EIF4E: variants seen among roughly 807,000 people sequenced by gnomAD.
The protein encoded by EIF4E is eukaryotic translation initiation factor 4E.
For missense variants in EIF4E, 113 were observed against 265.6 expected, an observed-to-expected ratio of 0.43 and a Z score of 3.99; for synonymous variants, 71 against 88.5, an observed-to-expected ratio of 0.80 and a Z score of 1.11.
chr4:98,917,133 C>CAAAAAA (rs756226013), intron 1 of EIF4E, among the ~76,000 whole-genome samples: 4 of 55,244 alleles, frequency 7.2e-5, no homozygotes, highest in Admixed American at 1.5e-4. Flanking sequence ...CACACACACA[C>CAAAAAA]AAAAAAAACC....
intron 1 of EIF4E, among the ~76,000 whole-genome samples, chr4:98,918,237 G>A (rs552079495): frequency 1.4e-4 from 21 of 150,774 alleles, no homozygotes; most frequent in Non-Finnish European, 1.9e-4. Flanking sequence ...GGTGGTGGAC[G>A]CCTGTAATCC....
rs1250308261 is a variant in EIF4E at position 98,879,318 on chromosome 4, G to T, written c.*1710C>A. ...TTATTTCATACAGGGTTTTTGTCAA[G>T]TTTATCAGTTTTAAAATGATTAAGT... On this transcript the variant is annotated 3_prime_UTR_variant, in exon 7 of 7. Transcript: ENST00000450253. The T allele has an allele frequency of 6.6e-6, 1 of 152,000 alleles. No individual in the cohort carries two copies. The highest frequency in any genetic ancestry group is 1.5e-5 in the Non-Finnish European group (1 of 67,982). 9.4% of individuals were successfully genotyped at this position (152,000 alleles called of 1,614,324 possible).
At chr4:98,912,276 A>G (rs962158032) in intron 1 of EIF4E, among the ~76,000 whole-genome samples, 4 of 151,468 alleles carry the variant, frequency 2.6e-5, no homozygotes, top group Non-Finnish European at 4.4e-5. Context: ...AAGAAAAAGA[A>G]AAAGAAAAAT....
intron 2 of EIF4E, among the ~76,000 whole-genome samples, chr4:98,894,310 A>G (rs1039485766): frequency 3.3e-5 from 5 of 152,212 alleles, no homozygotes; most frequent in African/African-American, 1.2e-4. Context: ...TGTAGCTTTG[A>G]AGCTAGGCAA....
Position 98,880,835 on chromosome 4 carries a change from CAAAAAAA to C in EIF4E, c.*186_*192del, listed in dbSNP as rs70955951. On this transcript the variant is annotated 3_prime_UTR_variant, in exon 7 of 7. Coordinates refer to ENST00000450253, the MANE Select transcript of EIF4E (RefSeq NM_001968.5). ...TGATTGGGATAGTGGAAACTCTAGC[CAAAAAAA>C]AAAAAAAAAATGAACACAGAAGTAC... 2.5e-6 allele frequency: 2 copies of C among 810,198 alleles called. No homozygotes were observed. Among genetic ancestry groups the C allele is most frequent in the African/African-American group, 6.2e-5 (2 of 32,478 alleles). The allele number at this position is 810,198 out of a possible 1,614,324, so 50.2% of individuals were successfully genotyped here.
rs1212503418 is a variant in EIF4E, at chr4:98,888,028, T to TA, written c.222-77dup. The TA allele has an allele frequency of 4.2e-6, 5 of 1,202,586 alleles. No individual in the cohort carries two copies. The African/African-American group carries it at 7.7e-5, about 19-fold the overall frequency. The allele number at this position is 1,202,586 out of a possible 1,614,324, so 74.5% of individuals were successfully genotyped here. A position where few individuals can be genotyped will look rare whatever the true frequency, so the allele number is the denominator to read the frequency against. On this transcript the variant is annotated intron_variant, in intron 3 of 6. Coordinates refer to ENST00000450253, the MANE Select transcript of EIF4E (RefSeq NM_001968.5). Reference sequence around the variant, plus strand: ...TTAGGTGCTTACATATATATACATTTAGAACATATGATGAAAATAAACAGA... The same window carrying TA: ...TTAGGTGCTTACATATATATACATTTAAGAACATATGATGAAAATAAACAGA...
chr4:98,927,143 T>G (rs1409412776), intron 1 of EIF4E, among the ~76,000 whole-genome samples: 2 of 152,190 alleles, frequency 1.3e-5, no homozygotes, highest in Non-Finnish European at 2.9e-5. Context: ...TGTTATGTAA[T>G]ATTAATGTCC....
chr4:98,904,893 T>C (rs1250511873), intron 1 of EIF4E, among the ~76,000 whole-genome samples: 1 of 152,130 alleles, frequency 6.6e-6, no homozygotes, highest in Non-Finnish European at 1.5e-5. Flanking sequence ...AAATCTTTAG[T>C]CTTCACTTTT....
intron 1 of EIF4E, among the ~76,000 whole-genome samples, chr4:98,918,116 A>G (rs534002828): frequency 3.3e-5 from 5 of 151,682 alleles, no homozygotes; most frequent in African/African-American, 1.2e-4. Context: ...TAATCCCAGC[A>G]CTTTGGGAGG....
In EIF4E at chr4:98,887,632, T is replaced by C. The variant is rs979949340; in HGVS notation, c.285+257A>G. On this transcript the variant is annotated intron_variant, in intron 4 of 6. Transcript: ENST00000450253. The surrounding 1 kb of genome is among the most constrained non-coding windows in gnomAD (Gnocchi z 4.0). ...TTGATAAACTCAGTCTGCTCAAATATATAAAGGAAGGAGTAGACTGGATAA... is the reference window on the plus strand; with the variant it reads ...TTGATAAACTCAGTCTGCTCAAATACATAAAGGAAGGAGTAGACTGGATAA... 2.6e-5 allele frequency among the ~76,000 whole-genome samples: 4 copies of C among 152,168 alleles called. No individual in the cohort carries two copies. Among genetic ancestry groups the C allele is most frequent in the Admixed American group, 2.6e-4 (4 of 15,274 alleles).
chr4:98,904,252 G>C (rs911276012), intron 1 of EIF4E, among the ~76,000 whole-genome samples: 4 of 152,136 alleles, frequency 2.6e-5, no homozygotes, highest in African/African-American at 9.7e-5. Context: ...TTGAGTCCAG[G>C]AGTTCGAAAA....
chr4:98,891,496 G>A, intron 2 of EIF4E, 164 bp from the exon 3 acceptor site: 3 of 648,010 alleles, frequency 4.6e-6, no homozygotes, highest in Admixed American at 2.8e-5. Context: ...CCTGATGAAG[G>A]AAATTCTAAC....
chr4:98,921,045 T>TA (rs944869147), intron 1 of EIF4E, among the ~76,000 whole-genome samples: 3 of 151,880 alleles, frequency 2.0e-5, no homozygotes, highest in Non-Finnish European at 2.9e-5. Flanking sequence ...TGCTAAAAAT[T>TA]AAAAAAAAAT....
chr4:98,910,438 T>G (rs1725073411), intron 1 of EIF4E, among the ~76,000 whole-genome samples: 1 of 152,210 alleles, frequency 6.6e-6, no homozygotes, highest in African/African-American at 2.4e-5. Context: ...AAATCACTAG[T>G]AACTGGATTA....
In EIF4E at chr4:98,880,589, GA is replaced by G. The variant is rs1723638420; in HGVS notation, c.*438del. The G allele has an allele frequency of 8.2e-6, 1 of 121,548 alleles. No homozygotes were observed. The highest frequency in any genetic ancestry group is 1.7e-5 in the Non-Finnish European group (1 of 59,696). 7.5% of individuals were successfully genotyped at this position (121,548 alleles called of 1,614,324 possible). A position where few individuals can be genotyped will look rare whatever the true frequency, so the allele number is the denominator to read the frequency against. On this transcript the variant is annotated 3_prime_UTR_variant, in exon 7 of 7. Coordinates refer to ENST00000450253, the MANE Select transcript of EIF4E (RefSeq NM_001968.5). ...TAAAAAGAAACAAAGAAAATTGCTA[GA>G]AAACTGTATGCATCATAATCTTTCA... is the stretch of plus-strand genomic sequence containing the variant.
At chr4:98,921,535 AT>A (rs986152172) in intron 1 of EIF4E, among the ~76,000 whole-genome samples, 16 of 152,044 alleles carry the variant, frequency 1.1e-4, no homozygotes, top group African/African-American at 3.9e-4. Flanking sequence ...CGCTTGGCTA[AT>A]TTTTGTATTT....
chr4:98,899,047 A>C (rs903566494), intron 2 of EIF4E, among the ~76,000 whole-genome samples: 1 of 151,372 alleles, frequency 6.6e-6, no homozygotes, highest in Non-Finnish European at 1.5e-5. Flanking sequence ...TGAAAATTAA[A>C]GACCTCTAAA....
rs548194907 is a variant in EIF4E at position 98,914,921 on chromosome 4, G to A, written c.19-12939C>T. Among the ~76,000 whole-genome samples the A allele has an allele frequency of 9.9e-5, 15 of 152,232 alleles. 1 individual carries two copies. Among genetic ancestry groups the A allele is most frequent in the African/African-American group, 2.2e-4 (9 of 41,548 alleles). ...TGTCTTTTCTGCTCAGTTTTGCTCC[G>A]AACCTAAAACTGCTCTAAGAAAATT... is the stretch of plus-strand genomic sequence containing the variant. On this transcript the variant is annotated intron_variant, in intron 1 of 6. Coordinates refer to ENST00000450253, the MANE Select transcript of EIF4E (RefSeq NM_001968.5).
chr4:98,885,052 G>C lies in EIF4E; in HGVS notation c.409C>G (p.Leu137Val), dbSNP rs1423832254. 1 of 1,612,172 alleles carries C rather than the reference G, an allele frequency of 6.2e-7. No homozygotes were observed. The highest frequency in any genetic ancestry group is 8.5e-7 in the Non-Finnish European group (1 of 1,179,148). ...TAGTCATCAAAAGATTCTCCAATAAGGCACAGAAGCTTAAAAAAAAATCCC... is the reference window on the plus strand; with the variant it reads ...TAGTCATCAAAAGATTCTCCAATAACGCACAGAAGCTTAAAAAAAAATCCC... ...DRFWLETLLC[L>V]IGESFDDYSD... Residue 137 changes from leucine to valine, a missense_variant, in exon 6 of 7, where the codon CTT becomes GTT. Physicochemically the swap from Leu to Val is conservative, Grantham distance 32. Transcript: ENST00000450253.
Sources: allele counts gnomAD v4.1 joint callset (sites outside exome capture counted in the v4.1 genomes callset), GRCh38; gene constraint gnomAD v4.1.1; non-coding constraint Gnocchi (gnomAD v3.1); transcripts MANE v1.5; gene names NCBI Gene and HGNC (gene_info 2026-07-23, HGNC 2026-07-21).